Variants in FAM47E observed in about 807,000 individuals in gnomAD.
The protein encoded by FAM47E is protein FAM47E.
Under a neutral mutation model 41.6 loss-of-function variants are expected in FAM47E, and 32 were observed. The ratio of observed to expected loss-of-function variants is 0.77; its 90% CI spans 0.58 to 1.03. The LOEUF (loss-of-function observed/expected upper bound fraction) is 1.03, where lower values mean the gene tolerates loss of function less well. Among genes scored for constraint, FAM47E ranks in the 50% least tolerant of loss-of-function variants. The pLI, the probability that FAM47E is intolerant of heterozygous loss-of-function variation, is 0.00. For missense variants in FAM47E, 424 were observed against 485.4 expected (o/e 0.87, Z 1.19); for synonymous variants, 184 against 188.7 (o/e 0.98, Z 0.20).
intron 2 of FAM47E, among the ~76,000 whole-genome samples, chr4:76,244,836 C>G (rs1169067569): frequency 6.6e-6 from 1 of 151,696 alleles, no homozygotes; most frequent in Non-Finnish European, 1.5e-5. Context: ...CTGCGCCTGG[C>G]CTGTCATTAA....
chr4:76,233,869 G>C (rs1265234503), intron 2 of FAM47E, among the ~76,000 whole-genome samples: 1 of 151,984 alleles, frequency 6.6e-6, no homozygotes, highest in Non-Finnish European at 1.5e-5. Context: ...GTTGGGGGGG[G>C]CTTGGTTTAG....
chr4:76,214,309 G>A, exon 1 of FAM47E: 1 of 456,144 alleles, frequency 2.2e-6, no homozygotes, highest in Non-Finnish European at 4.4e-6. Context: ...GATGACCTAG[G>A]GCCCCACATT....
chr4:76,214,264 C>T (rs1418831752), exon 1 of FAM47E: 4 of 455,688 alleles, frequency 8.8e-6, no homozygotes, highest in African/African-American at 8.0e-5. Context: ...TACCAGGTGC[C>T]TGCTGAGATC....
chr4:76,232,540 A>G (rs991115825), intron 2 of FAM47E, among the ~76,000 whole-genome samples: 3 of 152,266 alleles, frequency 2.0e-5, no homozygotes, highest in African/African-American at 7.2e-5. Context: ...ATAAGTTAAC[A>G]TAACAACCTT....
rs972127155 is a variant in FAM47E at position 76,237,361 on chromosome 4, T to TG, written c.81+19673_81+19674insG. ...TTGAGGGGCCTTAGAGTTTTTTTTT[T>TG]TTTGTTTGTTTGTTTGTTTTTTTTT... On this transcript the variant is annotated intron_variant, in intron 2 of 7. Coordinates refer to the FAM47E transcript ENST00000510197. 2.7e-5 allele frequency among the ~76,000 whole-genome samples: 3 copies of TG among 111,376 alleles called. 1 individual carries two copies. The highest frequency in any genetic ancestry group is 2.2e-4 in the East Asian group (1 of 4,574). 73.1% of individuals were successfully genotyped at this position (111,376 alleles called of 152,430 possible).
intron 7 of FAM47E, chr4:76,280,849 C>T (rs1206804803): frequency 6.6e-6 from 1 of 152,434 alleles, no homozygotes; most frequent in Non-Finnish European, 1.5e-5. Context: ...GGGGCCTGGC[C>T]AGTGTCTTCT....
intron 2 of FAM47E, among the ~76,000 whole-genome samples, chr4:76,223,863 C>T (rs956975369): frequency 6.6e-6 from 1 of 152,106 alleles, no homozygotes; most frequent in South Asian, 2.1e-4. Flanking sequence ...GTGAGTCTCC[C>T]TGGACTATTG....
intron 2 of FAM47E, among the ~76,000 whole-genome samples, chr4:76,221,356 T>C (rs745380972): frequency 6.6e-6 from 1 of 152,208 alleles, no homozygotes; most frequent in African/African-American, 2.4e-5. Context: ...TTCGCTCTTG[T>C]TGCTCAGGAT....
intron 2 of FAM47E, among the ~76,000 whole-genome samples, chr4:76,257,455 C>A (rs1247614283): frequency 6.6e-6 from 1 of 152,160 alleles, no homozygotes; most frequent in African/African-American, 2.4e-5. Context: ...CTGCTCAGAG[C>A]CTTCCAGTGT....
exon 2 of FAM47E, chr4:76,217,657 C>T: frequency 1.5e-6 from 1 of 651,416 alleles, no homozygotes; most frequent in Non-Finnish European, 2.8e-6. Context: ...AACCATGAGC[C>T]AAATAAACCT....
chr4:76,228,488 A>G (rs553287605), intron 2 of FAM47E, among the ~76,000 whole-genome samples: 72 of 151,280 alleles, frequency 4.8e-4, no homozygotes, highest in Middle Eastern at 3.4e-3. Context: ...TAAAAAAAAA[A>G]AAAGAAAGAA....
At chr4:76,219,746 G>C (rs1426204300) in intron 2 of FAM47E, among the ~76,000 whole-genome samples, 1 of 151,876 alleles carries the variant, frequency 6.6e-6, no homozygotes, top group African/African-American at 2.4e-5. Context: ...GGAATGGGGG[G>C]CTTAGATATT....
intron 4 of FAM47E, chr4:76,269,017 G>T: frequency 4.1e-6 from 2 of 483,234 alleles, no homozygotes; most frequent in Non-Finnish European, 3.6e-6. Flanking sequence ...GAATGTTTAT[G>T]TTTACATCTC....
intron 2 of FAM47E, among the ~76,000 whole-genome samples, chr4:76,241,491 T>C (rs1477728097): frequency 6.6e-6 from 1 of 151,960 alleles, no homozygotes; most frequent in African/African-American, 2.4e-5. Context: ...TTCCAGCAAG[T>C]TGTGTGCAAA....
At chr4:76,257,578 G>T (rs1734243280) in intron 2 of FAM47E, among the ~76,000 whole-genome samples, 1 of 152,044 alleles carries the variant, frequency 6.6e-6, no homozygotes, top group Non-Finnish European at 1.5e-5. Flanking sequence ...CCCTGCTCCT[G>T]CCACTCCAAC....
At chr4:76,234,220 G>A (rs1733544103) in intron 2 of FAM47E, 1 of 152,358 alleles carries the variant, frequency 6.6e-6, no homozygotes, top group East Asian at 1.9e-4. Flanking sequence ...CGGGGGTGTG[G>A]GCATGATTTC....
chr4:76,241,951 A>G (rs1478747837), intron 2 of FAM47E, among the ~76,000 whole-genome samples: 1 of 152,202 alleles, frequency 6.6e-6, no homozygotes, highest in East Asian at 1.9e-4. Context: ...TTGAGGGCTA[A>G]CAAGTATCTT....
At chr4:76,260,133 A>C (rs1734347524) in intron 2 of FAM47E, among the ~76,000 whole-genome samples, 1 of 152,250 alleles carries the variant, frequency 6.6e-6, no homozygotes, top group Non-Finnish European at 1.5e-5. Flanking sequence ...AAATGACCAT[A>C]CTATCCAAAG....
chr4:76,261,063 GA>G (rs1334924513), intron 2 of FAM47E, among the ~76,000 whole-genome samples: 2 of 150,366 alleles, frequency 1.3e-5, no homozygotes, highest in African/African-American at 2.4e-5. Flanking sequence ...AACATATGAA[GA>G]AATACTCAAC....
Sources: allele counts gnomAD v4.1 joint callset (sites outside exome capture counted in the v4.1 genomes callset), GRCh38; gene constraint gnomAD v4.1.1; transcripts MANE v1.5; gene names NCBI Gene and HGNC (gene_info 2026-07-23, HGNC 2026-07-21).